NAALADL2: variants seen among roughly 807,000 people sequenced by gnomAD.
NAALADL2 encodes N-acetylated alpha-linked acidic dipeptidase like 2.
In NAALADL2, 76 loss-of-function variants were observed where a neutral mutation model predicts 87.2. That is an observed-to-expected ratio of 0.87 (90% CI 0.72 to 1.05). The LOEUF (loss-of-function observed/expected upper bound fraction) is 1.05. NAALADL2 is among the 50% of genes least tolerant of loss of function. NAALADL2 has a pLI of 0.00. For missense variants in NAALADL2, 1,089 were observed against 945.8 expected, an observed-to-expected ratio of 1.15 and a Z score of -1.99; for synonymous variants, 354 against 331.0, an observed-to-expected ratio of 1.07 and a Z score of -0.75.
chr3:174,651,736 A>G (rs1724383457), intron 2 of NAALADL2, among the ~76,000 whole-genome samples: 1 of 152,222 alleles, frequency 6.6e-6, no homozygotes, highest in Non-Finnish European at 1.5e-5. Context: ...AATCATAGGC[A>G]AAGAGCACAT....
chr3:175,773,391 T>C (rs1049242586), intron 13 of NAALADL2: 1 of 152,160 alleles, frequency 6.6e-6, no homozygotes, highest in African/African-American at 2.4e-5. Flanking sequence ...CTAATTGATA[T>C]CATTGTGTCT....
chr3:174,965,629 A>T (rs950894721), intron 1 of NAALADL2, among the ~76,000 whole-genome samples: 1 of 152,154 alleles, frequency 6.6e-6, no homozygotes, highest in Admixed American at 6.5e-5. Context: ...TTTTGTGCTT[A>T]TATGAAGGAA....
At chr3:175,780,807 T>C (rs548435693) in intron 13 of NAALADL2, among the ~76,000 whole-genome samples, 1 of 152,332 alleles carries the variant, frequency 6.6e-6, no homozygotes, top group South Asian at 2.1e-4. Flanking sequence ...ATTTTAAGAA[T>C]AGGCATCATT....
intron 3 of NAALADL2, among the ~76,000 whole-genome samples, chr3:174,772,047 A>C (rs1259698012): frequency 6.6e-6 from 1 of 152,164 alleles, no homozygotes; most frequent in Non-Finnish European, 1.5e-5. Flanking sequence ...TGTTTTTCTC[A>C]GGGACATTTT....
chr3:175,305,820 C>T (rs1052204157), intron 4 of NAALADL2, among the ~76,000 whole-genome samples: 8 of 152,152 alleles, frequency 5.3e-5, no homozygotes, highest in Non-Finnish European at 8.8e-5. Flanking sequence ...CCGCACCTGG[C>T]GTATTTATTT....
chr3:174,665,488 T>C (rs1343752490), intron 2 of NAALADL2, among the ~76,000 whole-genome samples: 4 of 152,170 alleles, frequency 2.6e-5, no homozygotes, highest in Admixed American at 6.6e-5. Context: ...TTACATGTTA[T>C]TGTATTTATT....
At chr3:175,269,920 A>C (rs866492050) in intron 4 of NAALADL2, among the ~76,000 whole-genome samples, 7 of 152,228 alleles carry the variant, frequency 4.6e-5, no homozygotes, top group South Asian at 2.1e-4. Context: ...AGAATGAGAG[A>C]GATACACAGA....
chr3:174,831,487 A>G (rs1173327535), intron 3 of NAALADL2, among the ~76,000 whole-genome samples: 2 of 141,632 alleles, frequency 1.4e-5, no homozygotes, highest in Non-Finnish European at 3.1e-5. Context: ...AAGCTTTTTG[A>G]TGTGCTGCTG....
chr3:175,288,625 C>T (rs1245567016), intron 4 of NAALADL2, among the ~76,000 whole-genome samples: 2 of 148,976 alleles, frequency 1.3e-5, no homozygotes, highest in African/African-American at 5.2e-5. Context: ...GACTTACGTC[C>T]AAGTGGTTTC....
Position 175,509,999 on chromosome 3 carries a change from A to G in NAALADL2, c.1653+38241A>G. ...TATGTCTCCTAAAGCTATCCCTCCC[A>G]CCTCCCCCCACCCCACAACAGTCCC... On this transcript the variant is annotated intron_variant, in intron 9 of 13. Transcript: ENST00000454872. 3.2e-5 allele frequency among the ~76,000 whole-genome samples: 3 copies of G among 93,552 alleles called. No homozygotes were observed. In the Middle Eastern group the frequency reaches 0.014, roughly 433 times the overall value. The allele number at this position is 93,552 out of a possible 152,430, so 61.4% of individuals were successfully genotyped here.
chr3:174,748,817 A>G (rs1734537936), intron 3 of NAALADL2, among the ~76,000 whole-genome samples: 1 of 152,202 alleles, frequency 6.6e-6, no homozygotes, highest in Non-Finnish European at 1.5e-5. Context: ...CTACAATGCA[A>G]TAAGCCAACA....
At chr3:175,345,984 G>A (rs1038083473) in intron 5 of NAALADL2, among the ~76,000 whole-genome samples, 9 of 152,048 alleles carry the variant, frequency 5.9e-5, no homozygotes, top group African/African-American at 2.2e-4. Flanking sequence ...TTATTTAATT[G>A]GCAAATTTGT....
At chr3:175,292,983 G>A (rs1755836858) in intron 4 of NAALADL2, among the ~76,000 whole-genome samples, 1 of 137,070 alleles carries the variant, frequency 7.3e-6, no homozygotes, top group South Asian at 2.4e-4. Context: ...CTTGCAATGA[G>A]CCGAGATAGC....
At chr3:175,505,083 G>A (rs1248890507) in intron 9 of NAALADL2, among the ~76,000 whole-genome samples, 1 of 152,112 alleles carries the variant, frequency 6.6e-6, no homozygotes, top group African/African-American at 2.4e-5. Flanking sequence ...GAGAAAGCCA[G>A]TCACCATGTA....
At chr3:175,144,572 G>A (rs1386375248) in intron 2 of NAALADL2, among the ~76,000 whole-genome samples, 1 of 151,888 alleles carries the variant, frequency 6.6e-6, no homozygotes, top group African/African-American at 2.4e-5. Context: ...GCCACTTTTA[G>A]CACCTTTGAA....
intron 1 of NAALADL2, among the ~76,000 whole-genome samples, chr3:175,091,674 C>T (rs897952390): frequency 1.3e-5 from 2 of 151,942 alleles, no homozygotes; most frequent in African/African-American, 2.4e-5. Flanking sequence ...CTCAGAATTA[C>T]GATTACACAT....
At chr3:175,536,732 T>A (rs1297976005) in intron 9 of NAALADL2, among the ~76,000 whole-genome samples, 1 of 152,220 alleles carries the variant, frequency 6.6e-6, no homozygotes, top group Non-Finnish European at 1.5e-5. Flanking sequence ...CCAGGATGGT[T>A]GCGATCTCCT....
At chr3:174,733,361 G>C (rs1732890424) in intron 2 of NAALADL2, among the ~76,000 whole-genome samples, 1 of 152,210 alleles carries the variant, frequency 6.6e-6, no homozygotes, top group African/African-American at 2.4e-5. Context: ...GTTGGGATAG[G>C]AAAAGCAAGG....
chr3:174,577,755 G>C (rs1278072068), intron 2 of NAALADL2, among the ~76,000 whole-genome samples: 1 of 151,920 alleles, frequency 6.6e-6, no homozygotes, highest in African/African-American at 2.4e-5. Context: ...GACATGTGAG[G>C]TAACAGAAGA....
Sources: gnomAD v4.1 joint callset for allele counts (sites outside exome capture counted in the v4.1 genomes callset) on GRCh38, gnomAD v4.1.1 for gene constraint, MANE v1.5 for transcripts, NCBI Gene and HGNC (gene_info 2026-07-23, HGNC 2026-07-21) for gene names.